The following ARL15 variants were observed in gnomAD, a reference collection of about 807,000 sequenced individuals.
ARL15 encodes the protein ADP-ribosylation factor-like protein 15.
A neutral mutation model predicts 25.2 loss-of-function variants in ARL15; 19 were observed. That is an observed-to-expected ratio of 0.75 (90% CI 0.53 to 1.10). ARL15 has a LOEUF of 1.10. Ranked by LOEUF, ARL15 falls within the 50% of genes least tolerant of loss-of-function variation. ARL15 has a pLI of 0.00. For synonymous variants in ARL15, 94 were observed against 86.8 expected, an observed-to-expected ratio of 1.08 and a Z score of -0.46; for missense variants, 220 against 246.0, an observed-to-expected ratio of 0.89 and a Z score of 0.71.
At chr5:54,062,750 C>A (rs746548133) in intron 4 of ARL15, among the ~76,000 whole-genome samples, 2 of 152,092 alleles carry the variant, frequency 1.3e-5, no homozygotes, top group Non-Finnish European at 2.9e-5. Flanking sequence ...ATAAGAAAAT[C>A]TGGCAAGAAA....
At chr5:54,269,401 G>A (rs1320545768) in intron 1 of ARL15, among the ~76,000 whole-genome samples, 1 of 151,832 alleles carries the variant, frequency 6.6e-6, no homozygotes, top group African/African-American at 2.4e-5. Context: ...CAAATAAACT[G>A]TGTACATAAT....
chr5:54,196,275 C>A (rs1166539198), intron 1 of ARL15, among the ~76,000 whole-genome samples: 5 of 152,052 alleles, frequency 3.3e-5, no homozygotes, highest in African/African-American at 4.8e-5. Context: ...CACAGGATTG[C>A]TTGGTAGCAG....
rs1239283188 is a variant in ARL15, at chr5:53,884,343, C to T, written c.*2218G>A. The stretch of plus-strand genomic sequence containing the variant: ...GAAAGTAGGAAAAGGGACTTACACT[C>T]CCACCCCCAGCCATCCCACCCACCC... On this transcript the variant is annotated 3_prime_UTR_variant, in exon 5 of 5. Coordinates refer to ENST00000504924, the MANE Select transcript of ARL15 (RefSeq NM_019087.3). The T allele has an allele frequency of 6.8e-6, 1 of 147,360 alleles. No individual in the cohort carries two copies. The highest frequency in any genetic ancestry group is 2.5e-5 in the African/African-American group (1 of 39,658). 9.1% of individuals were successfully genotyped at this position (147,360 alleles called of 1,614,324 possible).
At chr5:54,282,715 A>G (rs1758091210) in intron 1 of ARL15, among the ~76,000 whole-genome samples, 1 of 152,212 alleles carries the variant, frequency 6.6e-6, no homozygotes, top group Admixed American at 6.5e-5. Context: ...TTCTTATTAG[A>G]TCATAAAAGT....
At chr5:54,159,307 C>T (rs936387696) in intron 2 of ARL15, among the ~76,000 whole-genome samples, 5 of 152,072 alleles carry the variant, frequency 3.3e-5, no homozygotes, top group East Asian at 1.9e-4. Context: ...TCATCCATGA[C>T]AGTGTAACTA....
intron 1 of ARL15, among the ~76,000 whole-genome samples, chr5:54,221,863 AC>A (rs1756385833): frequency 2.7e-5 from 4 of 149,090 alleles, no homozygotes; most frequent in African/African-American, 7.7e-5. Flanking sequence ...ACACACACAC[AC>A]ACACACAAAA....
chr5:54,056,403 G>T (rs1028411398), intron 4 of ARL15, among the ~76,000 whole-genome samples: 1 of 151,948 alleles, frequency 6.6e-6, no homozygotes, highest in Non-Finnish European at 1.5e-5. Context: ...AGGCTGAGGT[G>T]AGCGGATCAC....
intron 4 of ARL15, among the ~76,000 whole-genome samples, chr5:54,094,894 A>G (rs893299163): frequency 6.6e-6 from 1 of 152,200 alleles, no homozygotes; most frequent in Non-Finnish European, 1.5e-5. Context: ...TACCTGCCCA[A>G]TGGATATTGC....
chr5:54,116,034 A>G (rs960130722), intron 3 of ARL15, among the ~76,000 whole-genome samples: 1 of 152,198 alleles, frequency 6.6e-6, no homozygotes, highest in Non-Finnish European at 1.5e-5. Context: ...TGTTTCAGAA[A>G]TCTAGCCTCA....
chr5:54,254,010 C>G (rs558391720), intron 1 of ARL15, among the ~76,000 whole-genome samples: 1 of 152,186 alleles, frequency 6.6e-6, no homozygotes, highest in African/African-American at 2.4e-5. Context: ...TTTCTTAAGA[C>G]ATGGGAGCAT....
At chr5:53,945,553 AG>A (rs1746698671) in intron 4 of ARL15, among the ~76,000 whole-genome samples, 2 of 68,620 alleles carry the variant, frequency 2.9e-5, no homozygotes, top group African/African-American at 1.1e-4. Flanking sequence ...AAACCAAGAC[AG>A]AATAAGAGAA....
chr5:53,927,718 T>C (rs1356185180), intron 4 of ARL15, among the ~76,000 whole-genome samples: 1 of 151,988 alleles, frequency 6.6e-6, no homozygotes, highest in Non-Finnish European at 1.5e-5. Flanking sequence ...AAAAATAACA[T>C]AAAAAATTGA....
Position 53,960,946 on chromosome 5 carries a change from G to A in ARL15, c.463-74233C>T, listed in dbSNP as rs151247894. ...ACCTATCACTGCAGGAAACAGAAGA[G>A]GCTTGTTTTTGTCAGGGTTTCTTGT... On this transcript the variant is annotated intron_variant, in intron 4 of 4. Transcript: ENST00000504924. Among the ~76,000 whole-genome samples the A allele has an allele frequency of 2.6e-3, 402 of 152,294 alleles. 1 individual carries two copies. The highest frequency in any genetic ancestry group is 9.1e-3 in the African/African-American group (377 of 41,570).
intron 4 of ARL15, among the ~76,000 whole-genome samples, chr5:53,975,194 T>A (rs2112195726): frequency 6.6e-6 from 1 of 152,266 alleles, no homozygotes; most frequent in East Asian, 1.9e-4. Context: ...CTAAACTTTC[T>A]CCCATATCAA....
intron 4 of ARL15, among the ~76,000 whole-genome samples, chr5:53,931,746 T>A (rs1003324340): frequency 3.9e-5 from 6 of 152,222 alleles, no homozygotes; most frequent in Middle Eastern, 3.2e-3. Flanking sequence ...ACAATGAGAA[T>A]AAGTAGGGGT....
intron 3 of ARL15, 138 bp from the exon 4 acceptor site, chr5:54,113,548 G>C: frequency 1.2e-6 from 1 of 800,556 alleles, no homozygotes; most frequent in Admixed American, 3.0e-5. Context: ...ATTAAAACAG[G>C]AATTTAGAAA....
chr5:54,003,093 A>G (rs3776716), intron 4 of ARL15, among the ~76,000 whole-genome samples: 41,948 of 152,096 alleles, frequency 0.28, 6,032 homozygotes, highest in East Asian at 0.46. Context: ...CACTGTGGTG[A>G]AGGGCATGGG....
At chr5:54,199,301 T>C (rs1755645987) in intron 1 of ARL15, among the ~76,000 whole-genome samples, 1 of 151,960 alleles carries the variant, frequency 6.6e-6, no homozygotes, top group African/African-American at 2.4e-5. Flanking sequence ...ACAAATGGGA[T>C]ATAATTAAAC....
chr5:54,127,454 C>T (rs1210250700), intron 3 of ARL15, among the ~76,000 whole-genome samples: 5 of 151,806 alleles, frequency 3.3e-5, no homozygotes, highest in African/African-American at 1.2e-4. Flanking sequence ...AGGAATCCAA[C>T]TTACAAGGGA....
Sources: gnomAD v4.1 joint callset for allele counts (sites outside exome capture counted in the v4.1 genomes callset) on GRCh38, gnomAD v4.1.1 for gene constraint, MANE v1.5 for transcripts, NCBI Gene and HGNC (gene_info 2026-07-23, HGNC 2026-07-21) for gene names.